The following CREB5 variants were observed in gnomAD, a reference collection of about 807,000 sequenced individuals.
The protein encoded by CREB5 is cyclic AMP-responsive element-binding protein 5.
In CREB5, 19 loss-of-function variants were observed where a neutral mutation model predicts 57.1. The ratio of observed to expected loss-of-function variants is 0.33; its 90% CI spans 0.23 to 0.49. The LOEUF (loss-of-function observed/expected upper bound fraction) is 0.49. Among genes scored for constraint, CREB5 ranks in the 20% least tolerant of loss-of-function variants. The pLI is 0.99. For missense variants in CREB5, 579 were observed against 671.6 expected, an observed-to-expected ratio of 0.86 and a Z score of 1.52; for synonymous variants, 238 against 238.3, an observed-to-expected ratio of 1.00 and a Z score of 0.01.
chr7:28,382,819 G>C (rs1034937307), intron 1 of CREB5, among the ~76,000 whole-genome samples: 9 of 151,784 alleles, frequency 5.9e-5, no homozygotes, highest in African/African-American at 2.2e-4. Flanking sequence ...GAGGAGATAC[G>C]AGATCAAGAG....
intron 3 of CREB5, among the ~76,000 whole-genome samples, chr7:28,495,615 T>C (rs1482210744): frequency 6.6e-6 from 1 of 152,146 alleles, no homozygotes; most frequent in Non-Finnish European, 1.5e-5. Flanking sequence ...CACGCTGCAC[T>C]GTTCTGTGAG....
intron 5 of CREB5, among the ~76,000 whole-genome samples, chr7:28,639,130 T>G (rs184827463): frequency 2.3e-4 from 35 of 152,350 alleles, no homozygotes; most frequent in African/African-American, 8.4e-4. Flanking sequence ...TTTGAATAAT[T>G]ATGAGTCAGA....
At position 28,435,003 on chromosome 7, in the gene CREB5, G is replaced by T. The variant is rs143385813; in HGVS notation, c.3+22086G>T. Among the ~76,000 whole-genome samples, 6 of 151,742 alleles carry T rather than the reference G, an allele frequency of 4.0e-5. No homozygotes were observed. The East Asian group carries it at 1.2e-3, about 29-fold the overall frequency. On this transcript the variant is annotated intron_variant, in intron 1 of 10. Transcript: ENST00000357727. Reference sequence around the variant, plus strand: ...TCTTATTTTTCTAATTAGATCATACGCACCTTAAGAGTAGGGACTATGTGT... The same window carrying T: ...TCTTATTTTTCTAATTAGATCATACTCACCTTAAGAGTAGGGACTATGTGT...
rs76137800 is a variant in CREB5 at position 28,511,871 on chromosome 7, G to A, written c.291+4134G>A. 7.0e-3 allele frequency among the ~76,000 whole-genome samples: 1,060 copies of A among 152,290 alleles called. 13 individuals carry two copies. Among genetic ancestry groups the A allele is most frequent in the African/African-American group, 0.024 (979 of 41,562 alleles). On this transcript the variant is annotated intron_variant, in intron 4 of 10. Transcript: ENST00000357727. ...GCTGCTGAGTTGAAAGCAAACTATC[G>A]AAGAGCAGTGGCTGAGAGAGAGACC...
intron 5 of CREB5, among the ~76,000 whole-genome samples, chr7:28,617,605 G>A (rs907542233): frequency 2.0e-5 from 3 of 152,152 alleles, no homozygotes; most frequent in African/African-American, 7.2e-5. Context: ...AGAGCAATGG[G>A]GGCTTCCCTT....
intron 5 of CREB5, among the ~76,000 whole-genome samples, chr7:28,621,187 G>A (rs1327508507): frequency 6.6e-6 from 1 of 151,512 alleles, no homozygotes; most frequent in East Asian, 1.9e-4. Flanking sequence ...TTGGGGATTC[G>A]GGGTTGGGGG....
At chr7:28,763,408 T>C (rs1226514303) in intron 7 of CREB5, among the ~76,000 whole-genome samples, 2 of 152,206 alleles carry the variant, frequency 1.3e-5, no homozygotes, top group African/African-American at 2.4e-5. Flanking sequence ...TCTTAGGAGC[T>C]TGGGGAGAAA....
rs1222180076 is a variant in CREB5 at position 28,614,565 on chromosome 7, C to T, written c.464+44028C>T. Among the ~76,000 whole-genome samples, 4 of 152,094 alleles carry T rather than the reference C, an allele frequency of 2.6e-5. No homozygotes were observed. The South Asian group carries it at 6.2e-4, about 24-fold the overall frequency. On this transcript the variant is annotated intron_variant, in intron 5 of 10. Transcript: ENST00000357727. ...TTTGAGACACTGCTTATGCCTCACC[C>T]CTAATGAGAGCCCCTTGCACTTCCA...
chr7:28,747,457 C>T (rs192232716), intron 7 of CREB5, among the ~76,000 whole-genome samples: 6 of 152,302 alleles, frequency 3.9e-5, no homozygotes, highest in South Asian at 2.1e-4. Context: ...CAGCAGAATT[C>T]GATCCAAAGG....
intron 1 of CREB5, among the ~76,000 whole-genome samples, chr7:28,445,990 CTTAA>C (rs1358266248): frequency 1.3e-5 from 2 of 152,212 alleles, no homozygotes; most frequent in Non-Finnish European, 2.9e-5. Flanking sequence ...ATGTTACTTT[CTTAA>C]TTTTCTGATT....
intron 7 of CREB5, among the ~76,000 whole-genome samples, chr7:28,745,014 A>G (rs1364100095): frequency 6.6e-6 from 1 of 152,206 alleles, no homozygotes; most frequent in Non-Finnish European, 1.5e-5. Context: ...GGGTACAAAT[A>G]TAGGAAAGAG....
chr7:28,803,316 A>C (rs555589601), intron 7 of CREB5, among the ~76,000 whole-genome samples: 1 of 152,228 alleles, frequency 6.6e-6, no homozygotes, highest in African/African-American at 2.4e-5. Flanking sequence ...AGACCTACAC[A>C]TTACCTCCGA....
chr7:28,299,329 GA>G, exon 1 of CREB5: 1 of 152,326 alleles, frequency 6.6e-6, no homozygotes, highest in South Asian at 2.1e-4. Context: ...TTGATCTGAT[GA>G]ATCCAAGGAG....
At chr7:28,394,823 T>C (rs1292918744) in intron 1 of CREB5, among the ~76,000 whole-genome samples, 1 of 152,196 alleles carries the variant, frequency 6.6e-6, no homozygotes, top group Non-Finnish European at 1.5e-5. Flanking sequence ...ATTTAGAAAT[T>C]CATCCTCTAA....
Position 28,629,420 on chromosome 7 carries a change from T to C in CREB5, c.464+58883T>C, listed in dbSNP as rs1198026903. Reference sequence around the variant, plus strand: ...CAGCTGCTGTTGGTCCCTGAATTCTTCTTTCTGGCCTCTCTAAACAGAGCA... The same window carrying C: ...CAGCTGCTGTTGGTCCCTGAATTCTCCTTTCTGGCCTCTCTAAACAGAGCA... On this transcript the variant is annotated intron_variant, in intron 5 of 10. Transcript: ENST00000357727. Among the ~76,000 whole-genome samples the C allele has an allele frequency of 3.9e-5, 6 of 152,304 alleles. 1 individual carries two copies. The South Asian group carries it at 1.2e-3, about 32-fold the overall frequency.
intron 1 of CREB5, among the ~76,000 whole-genome samples, chr7:28,325,702 C>T (rs1044523697): frequency 6.6e-6 from 1 of 152,106 alleles, no homozygotes; most frequent in Non-Finnish European, 1.5e-5. Flanking sequence ...CTCTAGGTTC[C>T]CACTGCCTGG....
chr7:28,733,240 G>T (rs1221175463), intron 7 of CREB5, among the ~76,000 whole-genome samples: 4 of 152,180 alleles, frequency 2.6e-5, no homozygotes, highest in African/African-American at 9.7e-5. Flanking sequence ...CACTTGGGTA[G>T]AATTTCAGAG....
At chr7:28,496,252 G>A (rs1562756622) in intron 3 of CREB5, among the ~76,000 whole-genome samples, 1 of 152,290 alleles carries the variant, frequency 6.6e-6, no homozygotes, top group East Asian at 1.9e-4. Flanking sequence ...TCTCTCCTTA[G>A]CACACCTATG....
chr7:28,507,098 TG>T (rs749716284), intron 3 of CREB5, among the ~76,000 whole-genome samples: 1 of 152,236 alleles, frequency 6.6e-6, no homozygotes, highest in Non-Finnish European at 1.5e-5. Flanking sequence ...GAGACAGAAT[TG>T]TTAAGTTTTC....
Sources: gnomAD v4.1 joint callset for allele counts (sites outside exome capture counted in the v4.1 genomes callset) on GRCh38, gnomAD v4.1.1 for gene constraint, MANE v1.5 for transcripts, NCBI Gene and HGNC (gene_info 2026-07-23, HGNC 2026-07-21) for gene names.